DENND5B: variants seen among roughly 807,000 people sequenced by gnomAD.
DENND5B encodes DENN domain-containing protein 5B.
Under a neutral mutation model 140.6 loss-of-function variants are expected in DENND5B, and 34 were observed. The observed-to-expected ratio is 0.24, with a 90% CI of 0.18 to 0.32. The LOEUF is 0.32. Ranked by LOEUF, DENND5B falls within the 10% of genes least tolerant of loss-of-function variation. DENND5B has a pLI of 1.00. For missense variants in DENND5B, 1,142 were observed against 1,560.2 expected, an observed-to-expected ratio of 0.73 and a Z score of 4.52; for synonymous variants, 551 against 562.1, an observed-to-expected ratio of 0.98 and a Z score of 0.28.
intron 12 of DENND5B, among the ~76,000 whole-genome samples, chr12:31,414,921 CA>C (rs34987633): frequency 2.2e-3 from 240 of 109,578 alleles, no homozygotes; most frequent in East Asian, 9.0e-3. Flanking sequence ...GACGCCATCT[CA>C]AAAAAAAAAA....
intron 1 of DENND5B, among the ~76,000 whole-genome samples, chr12:31,586,862 C>T (rs1174630270): frequency 6.6e-6 from 1 of 152,210 alleles, no homozygotes; most frequent in Non-Finnish European, 1.5e-5. Flanking sequence ...AAAATAGAAA[C>T]TTGACTATCA....
chr12:31,482,470 T>A (rs909177559), intron 2 of DENND5B, among the ~76,000 whole-genome samples: 1 of 152,206 alleles, frequency 6.6e-6, no homozygotes, highest in Admixed American at 6.5e-5. Context: ...CTTGGAGTCA[T>A]CTTTAACTTC....
Position 31,573,407 on chromosome 12 carries a change from T to C in DENND5B, c.127+17299A>G, listed in dbSNP as rs573003850. On this transcript the variant is annotated intron_variant, in intron 1 of 20. Transcript: ENST00000389082. ...AAAAGCTGTCACCTGACCTATTCAA[T>C]AGAGTTCAATAAGGCACTGAAATAA... is the stretch of plus-strand genomic sequence containing the variant. Among the ~76,000 whole-genome samples the C allele has an allele frequency of 3.9e-5, 6 of 152,338 alleles. No homozygotes were observed. The East Asian group carries it at 9.6e-4, about 24-fold the overall frequency.
chr12:31,499,577 C>A (rs1207589397), intron 1 of DENND5B: 1 of 1,457,980 alleles, frequency 6.9e-7, no homozygotes, highest in Non-Finnish European at 9.0e-7. Context: ...TTTATAATAG[C>A]CCATCCTTGT....
chr12:31,393,146 T>C (rs1056192560), intron 17 of DENND5B, among the ~76,000 whole-genome samples: 1 of 152,142 alleles, frequency 6.6e-6, no homozygotes, highest in Non-Finnish European at 1.5e-5. Flanking sequence ...GCTACCCACC[T>C]ACGAGCCTGT....
At chr12:31,572,417 A>G (rs890808511) in intron 1 of DENND5B, among the ~76,000 whole-genome samples, 3 of 152,146 alleles carry the variant, frequency 2.0e-5, no homozygotes, top group Non-Finnish European at 2.9e-5. Context: ...CCTATTAAAA[A>G]ATGTCTGAAA....
chr12:31,587,680 T>C (rs1053223623), intron 1 of DENND5B, among the ~76,000 whole-genome samples: 2 of 151,876 alleles, frequency 1.3e-5, no homozygotes, highest in African/African-American at 2.4e-5. Context: ...CCAGAGTAAC[T>C]GGGATATTAC....
At chr12:31,431,644 A>G (rs1943515940) in intron 8 of DENND5B, among the ~76,000 whole-genome samples, 1 of 152,202 alleles carries the variant, frequency 6.6e-6, no homozygotes, top group Non-Finnish European at 1.5e-5. Flanking sequence ...AATTCTGTGG[A>G]GATAAAACCC....
At chr12:31,442,981 TA>T (rs1944105213) in intron 6 of DENND5B, 56 bp from the exon 7 acceptor site, 1 of 1,487,076 alleles carries the variant, frequency 6.7e-7, no homozygotes, top group African/African-American at 1.4e-5. Flanking sequence ...CCTTCAAAAA[TA>T]ATGCTTCCTC....
Position 31,423,514 on chromosome 12 carries a change from GAGAAAGAGATCA to G in DENND5B, c.2470+71_2470+82del, listed in dbSNP as rs1241759394. 25 of 1,387,446 alleles carry G rather than the reference GAGAAAGAGATCA, an allele frequency of 1.8e-5. No homozygotes were observed. The East Asian group carries it at 4.7e-4, about 26-fold the overall frequency. The allele number at this position is 1,387,446 out of a possible 1,614,324, so 85.9% of individuals were successfully genotyped here. On this transcript the variant is annotated intron_variant, in intron 11 of 20. Transcript: ENST00000389082. ...AAAATGAGTAAATTTTAGCTTGAGAGAGAAAGAGATCAAGACAAGGCCAAATAGTATTGAGTC... is the reference window on the plus strand; with the variant it reads ...AAAATGAGTAAATTTTAGCTTGAGAGAGACAAGGCCAAATAGTATTGAGTC...
Position 31,451,976 on chromosome 12 carries a change from C to A in DENND5B, c.1593G>T (p.Trp531Cys). The change falls in exon 5 of 21, where the codon TGG becomes TGT. Residue 531 changes from tryptophan (W) to cysteine (C), a missense_variant. Coordinates refer to ENST00000389082, the MANE Select transcript of DENND5B (RefSeq NM_144973.4). ...VIQTAQDMES[W>C]LTNREQMQNF... Reference sequence around the variant, plus strand: ...TCTGCATCTGTTCCCGGTTGGTCAGCCAGGATTCCATGTCCTGGGCAGTCT... The same window carrying A: ...TCTGCATCTGTTCCCGGTTGGTCAGACAGGATTCCATGTCCTGGGCAGTCT... The A allele has an allele frequency of 6.2e-7, 1 of 1,613,376 alleles. No homozygotes were observed. The highest frequency in any genetic ancestry group is 8.5e-7 in the Non-Finnish European group (1 of 1,179,802).
At chr12:31,437,087 C>A (rs1231310732) in intron 7 of DENND5B, among the ~76,000 whole-genome samples, 2 of 151,968 alleles carry the variant, frequency 1.3e-5, no homozygotes, top group African/African-American at 4.8e-5. Context: ...TCTAGAAGGG[C>A]CAGTATCTTG....
In DENND5B at chr12:31,392,145, A is replaced by C. The variant is rs941125423; in HGVS notation, c.3466+122T>G. The C allele has an allele frequency of 4.3e-5, 46 of 1,062,994 alleles. 1 individual carries two copies. The highest frequency in any genetic ancestry group is 5.7e-5 in the Non-Finnish European group (46 of 807,188). 65.8% of individuals were successfully genotyped at this position (1,062,994 alleles called of 1,614,324 possible). ...CAGAGTAAGATTCCGTCTCAAAAAA[A>C]AAAAAAGAAAAAAAATATATATATC... On this transcript the variant is annotated intron_variant, in intron 19 of 20. Transcript: ENST00000389082.
chr12:31,537,365 T>C (rs1202738747), intron 1 of DENND5B, among the ~76,000 whole-genome samples: 1 of 152,128 alleles, frequency 6.6e-6, no homozygotes, highest in East Asian at 1.9e-4. Flanking sequence ...TCTTTTTGCT[T>C]GTGTGTTTAT....
intron 3 of DENND5B, among the ~76,000 whole-genome samples, chr12:31,477,043 A>G (rs1489632556): frequency 6.6e-6 from 1 of 152,086 alleles, no homozygotes; most frequent in Non-Finnish European, 1.5e-5. Context: ...CCTGACCAAC[A>G]TGGTGAAAAC....
chr12:31,422,356 G>A (rs1046237215), intron 11 of DENND5B, among the ~76,000 whole-genome samples: 1 of 152,024 alleles, frequency 6.6e-6, no homozygotes, highest in African/African-American at 2.4e-5. Context: ...CATGAACCCG[G>A]GAGGTGGAGC....
At chr12:31,581,491 C>A (rs1457649449) in intron 1 of DENND5B, among the ~76,000 whole-genome samples, 1 of 151,966 alleles carries the variant, frequency 6.6e-6, no homozygotes, top group African/African-American at 2.4e-5. Context: ...GAGCCCGAGA[C>A]CAGCCTGACC....
At chr12:31,406,518 A>G (rs1350110459) in intron 14 of DENND5B, among the ~76,000 whole-genome samples, 1 of 152,138 alleles carries the variant, frequency 6.6e-6, no homozygotes, top group Non-Finnish European at 1.5e-5. Flanking sequence ...TGAAACTGAA[A>G]GCAGAAGAGG....
rs1168001050 is a variant in DENND5B, at chr12:31,460,341, T to C, written c.945A>G (p.Thr315=). The C allele has an allele frequency of 2.5e-6, 4 of 1,613,624 alleles. No homozygotes were observed. The highest frequency in any genetic ancestry group is 3.4e-6 in the Non-Finnish European group (4 of 1,179,838). The stretch of plus-strand genomic sequence containing the variant: ...GTTGCCATTGAAATGGGAACAAAAG[T>C]GTGGTGATGCCTTCTGCCACAGTCA... ...RLMTVAEGIT[T]LLFPFQWQHV... Residue 315 remains threonine (T), a synonymous_variant, in exon 4 of 21, where the codon ACA becomes ACG. Transcript: ENST00000389082.
Sources: gnomAD v4.1 joint callset for allele counts (sites outside exome capture counted in the v4.1 genomes callset) on GRCh38, gnomAD v4.1.1 for gene constraint, MANE v1.5 for transcripts, NCBI Gene and HGNC (gene_info 2026-07-23, HGNC 2026-07-21) for gene names.